DNAH11: variants seen among roughly 807,000 people sequenced by gnomAD.
DNAH11 encodes the protein dynein axonemal heavy chain 11, also known as axonemal beta dynein heavy chain 11.
A neutral mutation model predicts 526.0 loss-of-function variants in DNAH11; 442 were observed. The observed-to-expected ratio is 0.84, with a 90% confidence interval of 0.78 to 0.91. The LOEUF (loss-of-function observed/expected upper bound fraction) is 0.91. Among genes scored for constraint, DNAH11 ranks in the 40% least tolerant of loss-of-function variants. The pLI is 0.00. For missense variants in DNAH11, 6,989 were observed against 5,448.7 expected (o/e 1.28, Z -8.90); for synonymous variants, 2,461 against 1,935.9 (o/e 1.27, Z -7.12).
Position 21,564,291 on chromosome 7 carries a change from C to T in DNAH11, c.1088C>T (p.Pro363Leu). The change falls in exon 6 of 82, where the codon CCA becomes CTA. Residue 363 changes from proline to leucine, a missense_variant. Coordinates refer to ENST00000409508, the MANE Select transcript of DNAH11 (RefSeq NM_001277115.2). Reference protein sequence around the residue: ...EFPQTRILIAPLFHTICLIWS... With the variant: ...EFPQTRILIALLFHTICLIWS... Reference sequence around the variant, plus strand: ...CCACAGACACGCATATTAATCGCTCCATTATTTCATACCATCTGTCTGATC... The same window carrying T: ...CCACAGACACGCATATTAATCGCTCTATTATTTCATACCATCTGTCTGATC... 1 of 1,613,666 alleles carries T rather than the reference C, an allele frequency of 6.2e-7. No individual in the cohort carries two copies. The highest frequency in any genetic ancestry group is 1.1e-5 in the South Asian group (1 of 91,060).
chr7:21,782,893 G>T (rs1344012099), intron 57 of DNAH11, among the ~76,000 whole-genome samples: 3 of 138,662 alleles, frequency 2.2e-5, no homozygotes, highest in Non-Finnish European at 3.1e-5. Context: ...CTGGGTGACA[G>T]AACGAAACTG....
intron 42 of DNAH11, among the ~76,000 whole-genome samples, chr7:21,715,313 C>G (rs1476713976): frequency 6.6e-6 from 1 of 152,230 alleles, no homozygotes; most frequent in Admixed American, 6.5e-5. Flanking sequence ...CGGTTATAGA[C>G]TTCACTTGAT....
intron 74 of DNAH11, 50 bp downstream of exon 74, chr7:21,873,551 C>G: frequency 6.4e-7 from 1 of 1,569,274 alleles, no homozygotes; most frequent in Non-Finnish European, 8.8e-7. Flanking sequence ...AGTCATCTCA[C>G]AAGACTGTGG....
chr7:21,612,281 CAT>C (rs1246509750), intron 20 of DNAH11, among the ~76,000 whole-genome samples: 126 of 152,138 alleles, frequency 8.3e-4, no homozygotes, highest in African/African-American at 2.8e-3. Context: ...GAAGGCTGGG[CAT>C]GGTGGCTCAC....
chr7:21,765,696 A>C, intron 55 of DNAH11, 107 bp downstream of exon 55: 1 of 1,326,956 alleles, frequency 7.5e-7, no homozygotes, highest in Non-Finnish European at 1.0e-6. Context: ...TTTCCACAGT[A>C]CATCTCCTAT....
intron 57 of DNAH11, among the ~76,000 whole-genome samples, chr7:21,780,080 G>A (rs1249866253): frequency 1.3e-5 from 2 of 151,692 alleles, no homozygotes; most frequent in Non-Finnish European, 2.9e-5. Flanking sequence ...CTAAAGGCTT[G>A]AAAAGTATAT....
intron 6 of DNAH11, 78 bp downstream of exon 6, chr7:21,564,475 T>A: frequency 2.0e-6 from 2 of 992,890 alleles, no homozygotes; most frequent in Non-Finnish European, 2.9e-6. Flanking sequence ...AAGAATAATC[T>A]AGTATACAGT....
At chr7:21,850,165 G>A (rs1782569686) in intron 66 of DNAH11, among the ~76,000 whole-genome samples, 1 of 150,384 alleles carries the variant, frequency 6.6e-6, no homozygotes, top group Non-Finnish European at 1.5e-5. Context: ...GACCATCCTG[G>A]CTAACACGGT....
chr7:21,778,487 A>T (rs576822122), intron 56 of DNAH11, among the ~76,000 whole-genome samples: 2 of 152,296 alleles, frequency 1.3e-5, no homozygotes, highest in East Asian at 3.9e-4. Flanking sequence ...ATATGCAGCC[A>T]ATTAATCTGC....
At chr7:21,673,117 G>A (rs1782710441) in intron 30 of DNAH11, among the ~76,000 whole-genome samples, 1 of 152,094 alleles carries the variant, frequency 6.6e-6, no homozygotes, top group African/African-American at 2.4e-5. Context: ...ATAAATAAGA[G>A]AATTCATAAG....
intron 63 of DNAH11, 56 bp from the exon 64 acceptor site, chr7:21,816,411 C>T (rs900045964): frequency 1.0e-5 from 14 of 1,362,160 alleles, no homozygotes; most frequent in Non-Finnish European, 1.4e-5. Flanking sequence ...CTTTTCTTGT[C>T]TGTCTTCTCT....
At chr7:21,873,784 CTTTTTTT>C (rs57333575) in intron 74 of DNAH11, among the ~76,000 whole-genome samples, 3 of 70,700 alleles carry the variant, frequency 4.2e-5, no homozygotes, top group Non-Finnish European at 7.0e-5. Flanking sequence ...GAGGAGGTTG[CTTTTTTT>C]TTTTTTTTTT....
At chr7:21,654,174 A>G (rs1228546431) in intron 28 of DNAH11, among the ~76,000 whole-genome samples, 2 of 152,124 alleles carry the variant, frequency 1.3e-5, no homozygotes, top group Admixed American at 6.6e-5. Flanking sequence ...CCTTTTATCT[A>G]ATTCCAAACC....
At chr7:21,862,107 G>A in intron 69 of DNAH11, 84 bp downstream of exon 69, 2 of 1,260,730 alleles carry the variant, frequency 1.6e-6, no homozygotes, top group Non-Finnish European at 1.1e-6. Flanking sequence ...TTCTGCTGAA[G>A]CAAAATATAA....
intron 76 of DNAH11, 58 bp downstream of exon 76, chr7:21,884,468 A>G: frequency 6.6e-7 from 1 of 1,514,182 alleles, no homozygotes; most frequent in Non-Finnish European, 8.9e-7. Flanking sequence ...AATTCTGGTA[A>G]GAATTTTATA....
At chr7:21,698,896 A>G (rs424486) in intron 36 of DNAH11, among the ~76,000 whole-genome samples, 151,146 of 152,274 alleles carry the variant, frequency 0.99, 75,021 homozygotes, top group East Asian at 1. Flanking sequence ...TTCATTTGAC[A>G]TTAGAAATAT....
chr7:21,881,427 T>A (rs1354183533), intron 75 of DNAH11, among the ~76,000 whole-genome samples: 1 of 152,222 alleles, frequency 6.6e-6, no homozygotes, highest in Non-Finnish European at 1.5e-5. Context: ...AAGTTAAAGG[T>A]AGATGAATGA....
intron 48 of DNAH11, among the ~76,000 whole-genome samples, chr7:21,741,708 G>A (rs1785906701): frequency 6.6e-6 from 1 of 152,140 alleles, no homozygotes; most frequent in African/African-American, 2.4e-5. Context: ...ACAAAGTAAG[G>A]AGAAATATAC....
rs762920448 is a variant in DNAH11, at chr7:21,636,053, G to T, written c.4683G>T (p.Val1561=). The T allele has an allele frequency of 2.5e-6, 4 of 1,613,478 alleles. No individual in the cohort carries two copies. The Admixed American group carries it at 6.7e-5, about 27-fold the overall frequency. ...CAGAAGATATTCGAATCCAGCTTGTGAAAGATGCTAGAAGATTTGATGGGG... is the reference window on the plus strand; with the variant it reads ...CAGAAGATATTCGAATCCAGCTTGTTAAAGATGCTAGAAGATTTGATGGGG... ...VCSEDIRIQL[V]KDARRFDGVD... is the part of the protein sequence containing the mutation. The change falls in exon 26 of 82, where the codon GTG becomes GTT. Residue 1561 remains valine, a synonymous_variant. Coordinates refer to ENST00000409508, the MANE Select transcript of DNAH11 (RefSeq NM_001277115.2).
Sources: allele counts gnomAD v4.1 joint callset (sites outside exome capture counted in the v4.1 genomes callset), GRCh38; gene constraint gnomAD v4.1.1; transcripts MANE v1.5; gene names NCBI Gene and HGNC (gene_info 2026-07-23, HGNC 2026-07-21).